MYO10: variants seen among roughly 807,000 people sequenced by gnomAD.
The protein encoded by MYO10 is myosin X, also known as unconventional myosin-X.
A neutral mutation model predicts 257.3 loss-of-function variants in MYO10; 133 were observed. The observed-to-expected ratio is 0.52, with a 90% confidence interval of 0.45 to 0.60. The LOEUF (loss-of-function observed/expected upper bound fraction) is 0.60, where lower values mean the gene tolerates loss of function less well. Ranked by LOEUF, MYO10 falls within the 20% of genes least tolerant of loss-of-function variation. MYO10 has a pLI of 0.00. For synonymous variants in MYO10, 1,104 were observed against 1,028.6 expected (o/e 1.07, Z -1.40); for missense variants, 2,399 against 2,635.7 (o/e 0.91, Z 1.97).
chr5:16,898,255 T>TAA (rs5866216), intron 1 of MYO10, among the ~76,000 whole-genome samples: 4 of 151,368 alleles, frequency 2.6e-5, no homozygotes, highest in South Asian at 2.1e-4. Flanking sequence ...ATAATCACAT[T>TAA]AAAAAAAACT....
intron 1 of MYO10, among the ~76,000 whole-genome samples, chr5:16,894,691 C>T (rs1161942228): frequency 6.6e-6 from 1 of 152,168 alleles, no homozygotes; most frequent in African/African-American, 2.4e-5. Flanking sequence ...TTCCCAGATG[C>T]CTGCAGTCCA....
Position 16,700,973 on chromosome 5 carries a change from G to T in MYO10, c.3422C>A (p.Ala1141Glu). ...SGAYRFSSEG[A>E]QSSFEDSEED... ...CAGGCAGGTACTTACCGAGGACTGC[G>T]CCCCCTCAGAGCTGAACCGGTAGGC... Residue 1141 changes from alanine (A) to glutamate (E), a missense_variant, in exon 25 of 41, where the codon GCG becomes GAG. By Grantham distance (107) the Ala-to-Glu change is moderately radical (BLOSUM62 -1). Coordinates refer to ENST00000513610, the MANE Select transcript of MYO10 (RefSeq NM_012334.3). 1 of 1,554,192 alleles carries T rather than the reference G, an allele frequency of 6.4e-7. No homozygotes were observed. The highest frequency in any genetic ancestry group is 8.7e-7 in the Non-Finnish European group (1 of 1,148,170).
chr5:16,766,136 G>A lies in MYO10; in HGVS notation c.1123C>T (p.Gln375Ter). ...TCTCCCCTGAGGAACATTGATCTCT[G>A]GGTCAAAGCATCTGTGAGCTGTGTT... ...DPTQLTDALT[Q>*]RSMFLRGEEI... Residue 375 changes from glutamine to a stop codon, truncating the protein, a stop_gained, in exon 11 of 41, where the codon CAG becomes TAG. Coordinates refer to ENST00000513610, the MANE Select transcript of MYO10 (RefSeq NM_012334.3). LOFTEE classifies it high-confidence loss of function. 1 of 1,613,874 alleles carries A rather than the reference G, an allele frequency of 6.2e-7. No individual in the cohort carries two copies. The highest frequency in any genetic ancestry group is 8.5e-7 in the Non-Finnish European group (1 of 1,179,826).
chr5:16,762,868 G>T (rs1740759208), intron 14 of MYO10, among the ~76,000 whole-genome samples: 1 of 151,816 alleles, frequency 6.6e-6, no homozygotes, highest in Non-Finnish European at 1.5e-5. Flanking sequence ...GGAGGCTGAG[G>T]CAGGAGAATC....
chr5:16,671,669 G>A, intron 37 of MYO10, 127 bp from the exon 38 acceptor site: 1 of 1,174,794 alleles, frequency 8.5e-7, no homozygotes, highest in Non-Finnish European at 1.2e-6. Context: ...GAAAACAGTG[G>A]ATAGAGATGG....
At chr5:16,876,131 T>A (rs548660450) in intron 2 of MYO10, among the ~76,000 whole-genome samples, 2 of 152,046 alleles carry the variant, frequency 1.3e-5, no homozygotes, top group Non-Finnish European at 2.9e-5. Flanking sequence ...AAAAAATAAA[T>A]AAAAATAAAA....
At chr5:16,876,545 C>G (rs1439878932) in intron 2 of MYO10, among the ~76,000 whole-genome samples, 8 of 152,050 alleles carry the variant, frequency 5.3e-5, no homozygotes, top group African/African-American at 1.7e-4. Context: ...TTTCAACACT[C>G]TATTTGTGAT....
At chr5:16,831,401 A>G (rs563211370) in intron 2 of MYO10, among the ~76,000 whole-genome samples, 1 of 152,316 alleles carries the variant, frequency 6.6e-6, no homozygotes, top group Admixed American at 6.5e-5. Flanking sequence ...GTCATTATAC[A>G]AAAAAGATAC....
chr5:16,883,061 G>GC (rs1744801846), intron 1 of MYO10, among the ~76,000 whole-genome samples: 1 of 151,752 alleles, frequency 6.6e-6, no homozygotes, highest in African/African-American at 2.4e-5. Context: ...GACTACAGGT[G>GC]CCCACCACCA....
intron 30 of MYO10, among the ~76,000 whole-genome samples, chr5:16,683,197 C>T (rs1737087535): frequency 6.6e-6 from 1 of 152,210 alleles, no homozygotes; most frequent in South Asian, 2.1e-4. Flanking sequence ...CTCGTATTCA[C>T]TTTCCAGCAT....
At chr5:16,909,523 A>G (rs1243863375) in intron 1 of MYO10, among the ~76,000 whole-genome samples, 1 of 140,480 alleles carries the variant, frequency 7.1e-6, no homozygotes, top group Admixed American at 7.2e-5. Context: ...AAAAAAAAAA[A>G]CCATCAGACC....
chr5:16,932,595 G>C (rs145945244), intron 1 of MYO10, among the ~76,000 whole-genome samples: 1 of 152,018 alleles, frequency 6.6e-6, no homozygotes, highest in Non-Finnish European at 1.5e-5. Context: ...CAATTAACTC[G>C]AGGGGAGCCA....
chr5:16,707,988 A>G (rs1738422584), intron 21 of MYO10, among the ~76,000 whole-genome samples: 1 of 152,222 alleles, frequency 6.6e-6, no homozygotes, highest in Admixed American at 6.5e-5. Context: ...TAGAGGTTTG[A>G]GGCTTTAAAC....
intron 1 of MYO10, among the ~76,000 whole-genome samples, chr5:16,932,993 A>T (rs1350899023): frequency 6.6e-6 from 1 of 152,148 alleles, no homozygotes; most frequent in Non-Finnish European, 1.5e-5. Flanking sequence ...TCCTGGGCTC[A>T]AGCAGTCCTC....
At chr5:16,899,700 T>G (rs1322191011) in intron 1 of MYO10, among the ~76,000 whole-genome samples, 1 of 148,950 alleles carries the variant, frequency 6.7e-6, no homozygotes, top group Non-Finnish European at 1.5e-5. Flanking sequence ...ACAGGTCCAG[T>G]GTATAAAATA....
chr5:16,902,397 T>C (rs1745406110), intron 1 of MYO10: 1 of 1,258,960 alleles, frequency 7.9e-7, no homozygotes, highest in Non-Finnish European at 1.1e-6. Context: ...CCTGACTACT[T>C]TGCTGAGAAC....
intron 1 of MYO10, among the ~76,000 whole-genome samples, chr5:16,914,889 T>A (rs1246196079): frequency 6.6e-6 from 1 of 152,190 alleles, no homozygotes; most frequent in Non-Finnish European, 1.5e-5. Flanking sequence ...TTTGCAAGGG[T>A]GGAACTTTCG....
chr5:16,704,452 G>T, intron 22 of MYO10, 127 bp downstream of exon 22: 1 of 721,284 alleles, frequency 1.4e-6, no homozygotes, highest in Non-Finnish European at 2.3e-6. Flanking sequence ...GGGAGTGGCT[G>T]CTTAGGAGGC....
chr5:16,717,774 G>C (rs1029623151), intron 19 of MYO10, among the ~76,000 whole-genome samples: 3 of 152,190 alleles, frequency 2.0e-5, no homozygotes, highest in Admixed American at 6.5e-5. Context: ...CATACTGAGA[G>C]GTGACAGCAC....
Sources: allele counts gnomAD v4.1 joint callset (sites outside exome capture counted in the v4.1 genomes callset), GRCh38; gene constraint gnomAD v4.1.1; transcripts MANE v1.5; gene names NCBI Gene and HGNC (gene_info 2026-07-23, HGNC 2026-07-21).